PCDHGA2: variants seen among roughly 807,000 people sequenced by gnomAD.
PCDHGA2 encodes protocadherin gamma-A2.
A neutral mutation model predicts 59.2 loss-of-function variants in PCDHGA2; 40 were observed. That is an observed-to-expected ratio of 0.68 (90% CI 0.52 to 0.88). The LOEUF is 0.88. PCDHGA2 is among the 40% of genes least tolerant of loss of function. PCDHGA2 has a pLI of 0.00. For synonymous variants in PCDHGA2, 560 were observed against 526.0 expected (o/e 1.06, Z -0.89); for missense variants, 1,226 against 1,204.0 (o/e 1.02, Z -0.27).
chr5:141,412,992 G>A (rs1367027301), intron 1 of PCDHGA2: 1 of 568,350 alleles, frequency 1.8e-6, no homozygotes, highest in Non-Finnish European at 3.0e-6. Flanking sequence ...AGCTCAATCC[G>A]GATTCTCAGG....
At chr5:141,423,742 A>C in intron 1 of PCDHGA2, 1 of 514,328 alleles carries the variant, frequency 1.9e-6, no homozygotes, top group Non-Finnish European at 2.4e-6. Context: ...CCTGTTATGA[A>C]AACTGTTTGG....
Position 141,356,884 on chromosome 5 carries a change from A to C in PCDHGA2, c.2424+15489A>C, listed in dbSNP as rs1760376800. 7 of 1,614,176 alleles carry C rather than the reference A, an allele frequency of 4.3e-6. No homozygotes were observed. The highest frequency in any genetic ancestry group is 5.9e-6 in the Non-Finnish European group (7 of 1,180,026). On this transcript the variant is annotated intron_variant, in intron 1 of 3. Coordinates refer to ENST00000394576, the MANE Select transcript of PCDHGA2 (RefSeq NM_018915.4). ...GGACCAGAACGACAATGTCCCTGAG[A>C]TCCTGTACCCCACCTTCCCTACTGA...
intron 1 of PCDHGA2, chr5:141,389,406 G>C (rs1235613335): frequency 2.5e-6 from 4 of 1,613,514 alleles, no homozygotes; most frequent in Non-Finnish European, 3.4e-6. Flanking sequence ...CATAAGCGCG[G>C]AGAGCGGGGT....
At chr5:141,414,316 G>T (rs2095734692) in intron 1 of PCDHGA2, 1 of 1,613,682 alleles carries the variant, frequency 6.2e-7, no homozygotes, top group Admixed American at 1.7e-5. Flanking sequence ...TTTAGACTCT[G>T]AGCAGAATGG....
In PCDHGA2 at chr5:141,389,374, G is replaced by A. The variant is rs192606668; in HGVS notation, c.2424+47979G>A. On this transcript the variant is annotated intron_variant, in intron 1 of 3. Coordinates refer to ENST00000394576, the MANE Select transcript of PCDHGA2 (RefSeq NM_018915.4). Reference sequence around the variant, plus strand: ...ATCATGGCCAGTGACCTGGAGCAGCGGGAGCTGTCATCCTACGTGTCCATA... The same window carrying A: ...ATCATGGCCAGTGACCTGGAGCAGCAGGAGCTGTCATCCTACGTGTCCATA... 1,030 of 1,613,784 alleles carry A rather than the reference G, an allele frequency of 6.4e-4. 16 individuals are homozygous for A. The East Asian group carries it at 0.021, about 33-fold the overall frequency.
chr5:141,410,569 T>C (rs908906606), intron 1 of PCDHGA2: 1 of 1,612,242 alleles, frequency 6.2e-7, no homozygotes, highest in African/African-American at 1.3e-5. Context: ...GAGCCTTAAT[T>C]CCACCTCATG....
At chr5:141,441,981 C>A in intron 1 of PCDHGA2, 1 of 278,140 alleles carries the variant, frequency 3.6e-6, no homozygotes, top group South Asian at 3.6e-5. Context: ...GCCTGGAATG[C>A]GCACCGACGA....
rs552257647 is a variant in PCDHGA2 at position 141,389,615 on chromosome 5, G to T, written c.2424+48220G>T. The T allele has an allele frequency of 4.3e-6, 7 of 1,612,854 alleles. No homozygotes were observed. In the African/African-American group the frequency reaches 8.0e-5, roughly 18 times the overall value. On this transcript the variant is annotated intron_variant, in intron 1 of 3. Transcript: ENST00000394576. The stretch of plus-strand genomic sequence containing the variant: ...GCTCTGCGCTCTTCGATATGGTGCC[G>T]CACGCTGCAGAGCCTGGCTACTTGG...
intron 1 of PCDHGA2, chr5:141,355,298 A>T: frequency 6.2e-7 from 1 of 1,613,812 alleles, no homozygotes; most frequent in Non-Finnish European, 8.5e-7. Flanking sequence ...CAGATTCTCT[A>T]CTCGGTGTTT....
Position 141,431,939 on chromosome 5 carries a change from T to A in PCDHGA2, c.2425-62868T>A, listed in dbSNP as rs1377573207. The A allele has an allele frequency of 2.2e-5, 35 of 1,613,996 alleles. No individual in the cohort carries two copies. The highest frequency in any genetic ancestry group is 2.9e-5 in the Non-Finnish European group (34 of 1,180,000). On this transcript the variant is annotated intron_variant, in intron 1 of 3. Coordinates refer to ENST00000394576, the MANE Select transcript of PCDHGA2 (RefSeq NM_018915.4). This position sits in a 1 kb window ranked among gnomAD's most constrained non-coding sequence, Gnocchi z 4.8. ...CATCCAAGGAAATCTGCCCTTTAAA[T>A]TAGAAAAATCTTACGGAAATTACTA...
Position 141,504,677 on chromosome 5 carries a change from T to C in PCDHGA2, c.2484-716T>C, listed in dbSNP as rs552242248. 4.7e-5 allele frequency among the ~76,000 whole-genome samples: 7 copies of C among 147,580 alleles called. No homozygotes were observed. In the East Asian group the frequency reaches 1.5e-3, roughly 31 times the overall value. ...TTTGAGGGCGGGGGGTGGGGGTTCT[T>C]GTAAAATAGGAGGGGCAGGTTCTTC... On this transcript the variant is annotated intron_variant, in intron 2 of 3. Transcript: ENST00000394576.
intron 1 of PCDHGA2, among the ~76,000 whole-genome samples, chr5:141,401,212 G>A (rs2094128608): frequency 6.6e-6 from 1 of 151,930 alleles, no homozygotes; most frequent in Non-Finnish European, 1.5e-5. Context: ...TGTGGTGGCG[G>A]GCGCCTGTAA....
At chr5:141,402,999 T>TATG in intron 1 of PCDHGA2, 1 of 1,613,984 alleles carries the variant, frequency 6.2e-7, no homozygotes, top group Non-Finnish European at 8.5e-7. Context: ...TTAGTCCTGC[T>TATG]ATGCTCGCTC....
intron 1 of PCDHGA2, chr5:141,355,410 T>G: frequency 6.2e-7 from 1 of 1,614,014 alleles, no homozygotes; most frequent in Non-Finnish European, 8.5e-7. Flanking sequence ...TCTCCAGAGG[T>G]AGGACGCAGC....
At chr5:141,469,111 T>TA (rs1275770294) in intron 1 of PCDHGA2, among the ~76,000 whole-genome samples, 1 of 151,476 alleles carries the variant, frequency 6.6e-6, no homozygotes, top group African/African-American at 2.4e-5. Context: ...AACCTGTCTC[T>TA]AAAAAAATTT....
At chr5:141,364,826 T>C in intron 1 of PCDHGA2, 1 of 1,613,980 alleles carries the variant, frequency 6.2e-7, no homozygotes, top group Non-Finnish European at 8.5e-7. Flanking sequence ...GGGTGTGAAC[T>C]CTCTCCGGAG....
chr5:141,500,499 G>T lies in PCDHGA2; in HGVS notation c.2484-4894G>T, dbSNP rs531501031. On this transcript the variant is annotated intron_variant, in intron 2 of 3. Transcript: ENST00000394576. ...GCTGGGATTACAGGCGTGAGCCACC[G>T]CGCCTGGCCGAGCTTCATTTTAAAA... Among the ~76,000 whole-genome samples, 24 of 152,088 alleles carry T rather than the reference G, an allele frequency of 1.6e-4. 1 individual carries two copies. In the Middle Eastern group the frequency reaches 0.01, roughly 65 times the overall value.
At chr5:141,351,606 A>G in intron 1 of PCDHGA2, 3 of 1,614,044 alleles carry the variant, frequency 1.9e-6, no homozygotes, top group Non-Finnish European at 2.5e-6. Flanking sequence ...CCTGTTTTCC[A>G]TCAGGCCTCC....
chr5:141,403,318 A>G, intron 1 of PCDHGA2: 1 of 1,613,982 alleles, frequency 6.2e-7, no homozygotes, highest in Non-Finnish European at 8.5e-7. Flanking sequence ...TAGAAATAGA[A>G]GTAACTGATA....
Sources: gnomAD v4.1 joint callset for allele counts (sites outside exome capture counted in the v4.1 genomes callset) on GRCh38, gnomAD v4.1.1 for gene constraint, Gnocchi (gnomAD v3.1) non-coding constraint, MANE v1.5 for transcripts, NCBI Gene and HGNC (gene_info 2026-07-23, HGNC 2026-07-21) for gene names.